Variants in DNAJC6 observed in about 807,000 individuals in gnomAD.
DNAJC6 encodes DnaJ heat shock protein family (Hsp40) member C6.
In DNAJC6, 34 loss-of-function variants were observed where a neutral mutation model predicts 110.0. The observed-to-expected ratio is 0.31, with a 90% confidence interval of 0.24 to 0.41. The LOEUF is 0.41. Among genes scored for constraint, DNAJC6 ranks in the 10% least tolerant of loss-of-function variants. DNAJC6 has a pLI of 1.00. For synonymous variants in DNAJC6, 406 were observed against 437.2 expected (o/e 0.93, Z 0.89); for missense variants, 1,031 against 1,207.8 (o/e 0.85, Z 2.17).
At chr1:65,265,627 A>C (rs1018152317) in intron 1 of DNAJC6, among the ~76,000 whole-genome samples, 2 of 152,260 alleles carry the variant, frequency 1.3e-5, no homozygotes, top group Non-Finnish European at 2.9e-5. Context: ...CCAAATTTTA[A>C]GTTCAACAAC....
upstream of DNAJC6, among the ~76,000 whole-genome samples, chr1:65,308,095 A>C (rs1033488635): frequency 6.6e-6 from 1 of 152,164 alleles, no homozygotes; most frequent in African/African-American, 2.4e-5. Flanking sequence ...TTTTATGTAG[A>C]ACTGTGTAGA....
intron 1 of DNAJC6, among the ~76,000 whole-genome samples, chr1:65,349,091 A>AATATATATATATAAATATATATGTAAAT (rs373586825): frequency 1.5e-5 from 2 of 135,860 alleles, no homozygotes; most frequent in South Asian, 2.2e-4. Context: ...TATATATGTA[A>AATATATATATATAAATATATATGTAAAT]ATATATATAT....
At chr1:65,407,646 C>T (rs1557567212) in intron 16 of DNAJC6, among the ~76,000 whole-genome samples, 1 of 152,130 alleles carries the variant, frequency 6.6e-6, no homozygotes, top group Non-Finnish European at 1.5e-5. Flanking sequence ...AGAGTCATGC[C>T]AATTCCCCTC....
In DNAJC6 at chr1:65,392,491, G is replaced by A. The variant is rs768210303; in HGVS notation, c.1529G>A (p.Ser510Asn). ...CACGCTGCCCTAGTGAATCAGGAAA[G>A]TGAGCAATCAGATGATGAACTTCTG... The part of the protein sequence containing the change: ...EDHAALVNQE[S>N]EQSDDELLTL... The change falls in exon 12 of 19, where the codon AGT becomes AAT. Residue 510 changes from serine (S) to asparagine (N), a missense_variant. By Grantham distance (46) the Ser-to-Asn change is conservative. Transcript: ENST00000371069. The A allele has an allele frequency of 1.2e-6, 2 of 1,613,686 alleles. No individual in the cohort carries two copies. Among genetic ancestry groups the A allele is most frequent in the African/African-American group, 1.3e-5 (1 of 74,912 alleles).
At chr1:65,325,046 C>T (rs1440009775) in intron 1 of DNAJC6, among the ~76,000 whole-genome samples, 1 of 152,204 alleles carries the variant, frequency 6.6e-6, no homozygotes, top group Non-Finnish European at 1.5e-5. Context: ...CTATACCCTA[C>T]AGGAATTTCT....
At chr1:65,341,524 C>T (rs1416539144) in intron 1 of DNAJC6, among the ~76,000 whole-genome samples, 1 of 152,078 alleles carries the variant, frequency 6.6e-6, no homozygotes, top group Non-Finnish European at 1.5e-5. Context: ...ATAGTCTTCT[C>T]AAAGAAAAAA....
At chr1:65,376,148 C>T (rs1645764626) in intron 4 of DNAJC6, among the ~76,000 whole-genome samples, 1 of 151,964 alleles carries the variant, frequency 6.6e-6, no homozygotes, top group South Asian at 2.1e-4. Context: ...TTATCCATTT[C>T]TTCTAAGTTT....
rs1202130358 is a variant in DNAJC6, at chr1:65,413,231, G to A, written c.*206G>A. On this transcript the variant is annotated 3_prime_UTR_variant, in exon 19 of 19. Transcript: ENST00000371069. Reference sequence around the variant, plus strand: ...TCCCACCATAAAAGATCCAAAGCATGAGAGGAACTTCTAGTCAGATGACCT... The same window carrying A: ...TCCCACCATAAAAGATCCAAAGCATAAGAGGAACTTCTAGTCAGATGACCT... 2 of 509,150 alleles carry A rather than the reference G, an allele frequency of 3.9e-6. No homozygotes were observed. The highest frequency in any genetic ancestry group is 2.0e-5 in the African/African-American group (1 of 51,102). 31.5% of individuals were successfully genotyped at this position (509,150 alleles called of 1,614,324 possible). A position where few individuals can be genotyped will look rare whatever the true frequency, so the allele number is the denominator to read the frequency against.
At chr1:65,340,343 G>A (rs1486602417) in intron 1 of DNAJC6, among the ~76,000 whole-genome samples, 1 of 152,236 alleles carries the variant, frequency 6.6e-6, no homozygotes, top group African/African-American at 2.4e-5. Context: ...AGCTGCTGGA[G>A]GAAGAGCTGG....
At chr1:65,314,584 G>A (rs1645132096) in intron 1 of DNAJC6, among the ~76,000 whole-genome samples, 1 of 152,126 alleles carries the variant, frequency 6.6e-6, no homozygotes, top group South Asian at 2.1e-4. Flanking sequence ...CTTCCTCCTA[G>A]TTCAAGCAAT....
chr1:65,302,726 G>A (rs868567552), intron 1 of DNAJC6, among the ~76,000 whole-genome samples: 2 of 150,146 alleles, frequency 1.3e-5, no homozygotes, highest in East Asian at 2.0e-4. Flanking sequence ...TAGTAGAGAC[G>A]GGGTTTCACC....
At chr1:65,307,889 T>C (rs1393739508), upstream of DNAJC6, among the ~76,000 whole-genome samples, 1 of 152,182 alleles carries the variant, frequency 6.6e-6, no homozygotes, top group Non-Finnish European at 1.5e-5. Flanking sequence ...TTAACTCTGA[T>C]TTGCAATTCA....
intron 1 of DNAJC6, among the ~76,000 whole-genome samples, chr1:65,341,667 G>A (rs1280259049): frequency 1.3e-5 from 2 of 152,084 alleles, no homozygotes; most frequent in Admixed American, 6.5e-5. Context: ...TTGGTTCTTC[G>A]GGCTCATGCT....
At chr1:65,402,730 G>C (rs576860022) in intron 15 of DNAJC6, among the ~76,000 whole-genome samples, 132 of 152,326 alleles carry the variant, frequency 8.7e-4, no homozygotes, top group Middle Eastern at 6.8e-3. Flanking sequence ...GGGAATGTGA[G>C]CCTGGCTACC....
chr1:65,389,610 C>T lies in DNAJC6; in HGVS notation c.1451C>T (p.Ala484Val). The T allele has an allele frequency of 6.2e-7, 1 of 1,614,120 alleles. No individual in the cohort carries two copies. Among genetic ancestry groups the T allele is most frequent in the Non-Finnish European group, 8.5e-7 (1 of 1,179,994 alleles). The change falls in exon 11 of 19, where the codon GCC becomes GTC. Residue 484 changes from alanine (A) to valine (V), a missense_variant. Ala to Val is a moderately conservative substitution (Grantham distance 64). Transcript: ENST00000371069. ...PRHYGQSGFFASLCWQDQKSE... is the reference protein window; with the variant it reads ...PRHYGQSGFFVSLCWQDQKSE... ...CATTACGGACAAAGTGGTTTCTTTGCCTCTCTCTGTTGGCAAGGTATTTAC... is the reference window on the plus strand; with the variant it reads ...CATTACGGACAAAGTGGTTTCTTTGTCTCTCTCTGTTGGCAAGGTATTTAC...
At chr1:65,293,770 TA>T (rs1384675320) in intron 1 of DNAJC6, among the ~76,000 whole-genome samples, 12 of 152,148 alleles carry the variant, frequency 7.9e-5, no homozygotes, top group African/African-American at 2.7e-4. Flanking sequence ...TATGCACAAA[TA>T]GGGGCAGATA....
chr1:65,375,972 CT>C (rs905844121), intron 4 of DNAJC6, among the ~76,000 whole-genome samples: 9 of 152,074 alleles, frequency 5.9e-5, no homozygotes, highest in African/African-American at 2.2e-4. Context: ...AATATTCATT[CT>C]TTTTTAAATA....
intron 1 of DNAJC6, among the ~76,000 whole-genome samples, chr1:65,302,056 CTG>C (rs1644984527): frequency 7.0e-6 from 1 of 142,310 alleles, no homozygotes; most frequent in Admixed American, 7.2e-5. Context: ...TATACAGGAA[CTG>C]TGGATTTTAT....
At chr1:65,316,427 T>C (rs1029145361) in intron 1 of DNAJC6, among the ~76,000 whole-genome samples, 3 of 152,230 alleles carry the variant, frequency 2.0e-5, no homozygotes, top group Admixed American at 6.5e-5. Flanking sequence ...CAGCAGCCTT[T>C]ACTTCCGTAT....
Sources: gnomAD v4.1 joint callset for allele counts (sites outside exome capture counted in the v4.1 genomes callset) on GRCh38, gnomAD v4.1.1 for gene constraint, MANE v1.5 for transcripts, NCBI Gene and HGNC (gene_info 2026-07-23, HGNC 2026-07-21) for gene names.